ABL2: variants seen among roughly 807,000 people sequenced by gnomAD.
ABL2 encodes the protein tyrosine-protein kinase ABL2.
ABL2 carries 49 observed loss-of-function variants against 107.7 expected under a neutral mutation model. The ratio of observed to expected loss-of-function variants is 0.45; its 90% CI spans 0.36 to 0.58. The LOEUF (loss-of-function observed/expected upper bound fraction) is 0.58. Among genes scored for constraint, ABL2 ranks in the 20% least tolerant of loss-of-function variants. ABL2 has a pLI of 0.00. For synonymous variants in ABL2, 549 were observed against 548.6 expected (o/e 1.00, Z -0.01); for missense variants, 1,245 against 1,457.0 (o/e 0.85, Z 2.37).
At chr1:179,189,684 A>G (rs1378593992) in intron 1 of ABL2, among the ~76,000 whole-genome samples, 2 of 152,158 alleles carry the variant, frequency 1.3e-5, no homozygotes, top group Non-Finnish European at 2.9e-5. Context: ...ACCACTCAAC[A>G]CAATATTTCT....
In ABL2 at chr1:179,142,894, T is replaced by C. The variant is rs923682041; in HGVS notation, c.158-9520A>G. 3.7e-6 allele frequency: 6 copies of C among 1,603,468 alleles called. No individual in the cohort carries two copies. The Admixed American group carries it at 8.7e-5, about 23-fold the overall frequency. The stretch of plus-strand genomic sequence containing the variant: ...CTTCATTCACACTTGATTAATGTGG[T>C]TATCAAGCCTCCCTGAAACTATCAA... On this transcript the variant is annotated intron_variant, in intron 1 of 11. Transcript: ENST00000502732.
intron 1 of ABL2, among the ~76,000 whole-genome samples, chr1:179,156,955 A>G (rs1479206653): frequency 6.6e-6 from 1 of 152,086 alleles, no homozygotes; most frequent in Non-Finnish European, 1.5e-5. Context: ...TTAATTTTTA[A>G]TAGATGCTCT....
rs74993180 is a variant in ABL2, at chr1:179,121,355, T to A, written c.960+240A>T. On this transcript the variant is annotated intron_variant, in intron 5 of 11. Coordinates refer to ENST00000502732, the MANE Select transcript of ABL2 (RefSeq NM_007314.4). ...ATTTGCTTCTAACCTCCCACTAAGA[T>A]CTACATCAACAGCCTCCAGAGACAG... 1.3e-4 allele frequency among the ~76,000 whole-genome samples: 20 copies of A among 152,312 alleles called. 1 individual carries two copies. The East Asian group carries it at 3.7e-3, about 28-fold the overall frequency.
In ABL2 at chr1:179,143,055, A is replaced by G. The variant is rs757948223; in HGVS notation, c.158-9681T>C. The G allele has an allele frequency of 2.0e-5, 33 of 1,613,204 alleles. No homozygotes were observed. In the East Asian group the frequency reaches 7.1e-4, roughly 35 times the overall value. On this transcript the variant is annotated intron_variant, in intron 1 of 11. Transcript: ENST00000502732. ...TGTCCCAAGGACCATACCTCTGCCC[A>G]GAAGCACAAAAGTTAAACTGTTCTG...
Position 179,102,475 on chromosome 1 carries a change from A to G in ABL2, c.*5243T>C. ...GGAAGTGAGCTACTACTGGCTTGAT[A>G]CAAGCTAAGACAGAGACACAAACCG... On this transcript the variant is annotated 3_prime_UTR_variant, in exon 12 of 12. Coordinates refer to ENST00000502732, the MANE Select transcript of ABL2 (RefSeq NM_007314.4). 1 of 225,522 alleles carries G rather than the reference A, an allele frequency of 4.4e-6. No individual in the cohort carries two copies. Among genetic ancestry groups the G allele is most frequent in the Non-Finnish European group, 8.8e-6 (1 of 113,264 alleles). 14.0% of individuals were successfully genotyped at this position (225,522 alleles called of 1,614,324 possible).
rs1335236175 is a variant in ABL2 at position 179,102,178 on chromosome 1, A to C, written c.*5540T>G. 5.9e-6 allele frequency: 1 copy of C among 168,536 alleles called. No individual in the cohort carries two copies. Among genetic ancestry groups the C allele is most frequent in the Non-Finnish European group, 1.3e-5 (1 of 77,660 alleles). The allele number at this position is 168,536 out of a possible 1,614,324, so 10.4% of individuals were successfully genotyped here. On this transcript the variant is annotated 3_prime_UTR_variant, in exon 12 of 12. Coordinates refer to ENST00000502732, the MANE Select transcript of ABL2 (RefSeq NM_007314.4). Reference sequence around the variant, plus strand: ...AGGCGCCCGCCACCACGCCCAGCTAAGTTTTTGTATTTTTAGTAGAGGTGG... The same window carrying C: ...AGGCGCCCGCCACCACGCCCAGCTACGTTTTTGTATTTTTAGTAGAGGTGG...
chr1:179,145,823 AGGATTCTATTCCAAGTGCAATGGAAATCC>A (rs1389731211), intron 1 of ABL2, among the ~76,000 whole-genome samples: 7 of 152,132 alleles, frequency 4.6e-5, no homozygotes, highest in African/African-American at 1.7e-4. Flanking sequence ...TTAGGGATTT[AGGATTCTATTCCAAGTGCAATGGAAATCC>A]AGTGAACAGT....
At chr1:179,169,555 A>T (rs947615750) in intron 1 of ABL2, among the ~76,000 whole-genome samples, 1 of 151,590 alleles carries the variant, frequency 6.6e-6, no homozygotes, top group Non-Finnish European at 1.5e-5. Flanking sequence ...CTCAAAATAA[A>T]AAAAAAAAAA....
chr1:179,142,844 GCAGAT>G, intron 1 of ABL2: 4 of 1,437,056 alleles, frequency 2.8e-6, no homozygotes, highest in Non-Finnish European at 3.8e-6. Flanking sequence ...AAAAACAGTA[GCAGAT>G]AAGATGAATT....
At chr1:179,125,354 A>T in intron 4 of ABL2, among the ~76,000 whole-genome samples, 1 of 152,220 alleles carries the variant, frequency 6.6e-6, no homozygotes, top group East Asian at 1.9e-4. Context: ...CAATTTATTA[A>T]TCCATTCTAC....
rs529734638 is a variant in ABL2, at chr1:179,164,850, C to T, written c.158-31476G>A. 5.3e-5 allele frequency among the ~76,000 whole-genome samples: 8 copies of T among 152,260 alleles called. No homozygotes were observed. The South Asian group carries it at 6.2e-4, about 12-fold the overall frequency. On this transcript the variant is annotated intron_variant, in intron 1 of 11. Transcript: ENST00000502732. ...GCTCTCATGAGATACATTCCAAGAC[C>T]GCCAGTGGATTCCTGAAACCTTGGA... is the stretch of plus-strand genomic sequence containing the variant.
rs772051712 is a variant in ABL2 at position 179,108,812 on chromosome 1, A to T, written c.2455T>A (p.Ser819Thr). 40 of 1,614,122 alleles carry T rather than the reference A, an allele frequency of 2.5e-5. No homozygotes were observed. Among genetic ancestry groups the T allele is most frequent in the Non-Finnish European group, 3.4e-5 (40 of 1,180,012 alleles). ...TCCACATTCTCTTCTGGCTGAGAAG[A>T]GGTGGACACTGTCCTTTCCAGCTGG... ...KLQLERTVST[S>T]SQPEENVDRA... The change falls in exon 12 of 12, where the codon TCT (serine) becomes ACT (threonine). Residue 819 changes from serine (S) to threonine (T), a missense_variant. Physicochemically the swap from Ser to Thr is moderately conservative, Grantham distance 58. Transcript: ENST00000502732.
intron 4 of ABL2, among the ~76,000 whole-genome samples, chr1:179,122,908 C>T (rs1438083787): frequency 6.6e-6 from 1 of 152,258 alleles, no homozygotes; most frequent in Non-Finnish European, 1.5e-5. Context: ...GATCTGCCTG[C>T]CTCAGTCTCC....
At chr1:179,206,908 T>C (rs1662002496) in intron 1 of ABL2, among the ~76,000 whole-genome samples, 1 of 152,114 alleles carries the variant, frequency 6.6e-6, no homozygotes, top group African/African-American at 2.4e-5. Flanking sequence ...AAGCTGAAAC[T>C]GAGAAAGCCA....
chr1:179,222,493 C>T (rs1181249607), intron 1 of ABL2, among the ~76,000 whole-genome samples: 2 of 151,754 alleles, frequency 1.3e-5, no homozygotes, highest in East Asian at 3.9e-4. Flanking sequence ...CAGGATCAAG[C>T]GATTCTCCTG....
At chr1:179,168,626 C>CT (rs1203779983) in intron 1 of ABL2, among the ~76,000 whole-genome samples, 1 of 152,156 alleles carries the variant, frequency 6.6e-6, no homozygotes. Context: ...TAGCTATTTT[C>CT]TTTTTGTGTA....
intron 1 of ABL2, among the ~76,000 whole-genome samples, chr1:179,223,344 T>G (rs544954176): frequency 1.3e-5 from 2 of 151,202 alleles, no homozygotes; most frequent in Non-Finnish European, 2.9e-5. Flanking sequence ...AGCCAGGAGT[T>G]TGAGGCTGCA....
At chr1:179,123,953 C>T (rs1039990393) in intron 4 of ABL2, among the ~76,000 whole-genome samples, 4 of 151,044 alleles carry the variant, frequency 2.6e-5, no homozygotes, top group South Asian at 2.2e-4. Flanking sequence ...TTTTTAAAGA[C>T]GCTTTTGGTC....
chr1:179,226,089 A>T (rs1188007431), intron 1 of ABL2, among the ~76,000 whole-genome samples: 2 of 150,600 alleles, frequency 1.3e-5, no homozygotes, highest in African/African-American at 4.9e-5. Flanking sequence ...GATGTACAGA[A>T]AAAAACTTTT....
Sources: gnomAD v4.1 joint callset for allele counts (sites outside exome capture counted in the v4.1 genomes callset) on GRCh38, gnomAD v4.1.1 for gene constraint, MANE v1.5 for transcripts, NCBI Gene and HGNC (gene_info 2026-07-23, HGNC 2026-07-21) for gene names.